Variants in SYNE2 observed in about 807,000 individuals in gnomAD.
SYNE2 encodes the protein spectrin repeat containing nuclear envelope protein 2, also known as nesprin-2.
SYNE2 carries 431 observed loss-of-function variants against 856.3 expected under a neutral mutation model. The ratio of observed to expected loss-of-function variants is 0.50; its 90% confidence interval spans 0.47 to 0.55. SYNE2 has a LOEUF of 0.55. SYNE2 is among the 20% of genes least tolerant of loss of function. The probability of loss-of-function intolerance (pLI) is 0.00; values close to 1 mark genes in which losing one functional copy is unlikely to be tolerated. For missense variants in SYNE2, 8,129 were observed against 8,023.2 expected (o/e 1.01, Z -0.50); for synonymous variants, 2,923 against 2,872.3 (o/e 1.02, Z -0.56).
intron 99 of SYNE2, among the ~76,000 whole-genome samples, chr14:64,193,782 G>A (rs1219728401): frequency 6.6e-6 from 1 of 152,208 alleles, no homozygotes; most frequent in Non-Finnish European, 1.5e-5. Context: ...ATAGATAGGA[G>A]AGGAAACCAA....
chr14:64,073,744 T>C (rs975525883), intron 52 of SYNE2, among the ~76,000 whole-genome samples: 10 of 152,224 alleles, frequency 6.6e-5, no homozygotes, highest in African/African-American at 2.4e-4. Flanking sequence ...AGAGAGTATT[T>C]GAGGCGAAAG....
chr14:63,906,606 T>G (rs2095412947), intron 1 of SYNE2, among the ~76,000 whole-genome samples: 1 of 152,328 alleles, frequency 6.6e-6, no homozygotes, highest in African/African-American at 2.4e-5. Context: ...ATAGAGTTGT[T>G]GTAGTGGATC....
Position 64,146,080 on chromosome 14 carries a change from G to C in SYNE2, c.15496G>C (p.Glu5166Gln). Residue 5166 changes from glutamate to glutamine, a missense_variant, in exon 84 of 116, where the codon GAA becomes CAA. This residue lies in a region of SYNE2 where 5,410 missense variants were observed against 5,284.8 expected (regional missense o/e 1.02). Transcript: ENST00000555002. ...GMLNRKIQHL[E>Q]QLLESITESE... The stretch of plus-strand genomic sequence containing the variant: ...TACATTCACTTAGATACAACATTTA[G>C]AACAACTTCTAGAAAGTATCACTGA... The C allele has an allele frequency of 4.4e-6, 7 of 1,579,486 alleles. No individual in the cohort carries two copies. Among genetic ancestry groups the C allele is most frequent in the Non-Finnish European group, 6.0e-6 (7 of 1,157,656 alleles).
chr14:63,829,313 A>T (rs1249596333), intron 1 of SYNE2, among the ~76,000 whole-genome samples: 1 of 152,106 alleles, frequency 6.6e-6, no homozygotes, highest in African/African-American at 2.4e-5. Context: ...GCTACTCGGG[A>T]GGCTGAGGCG....
intron 1 of SYNE2, among the ~76,000 whole-genome samples, chr14:63,871,227 CAG>C (rs1896753724): frequency 1.4e-5 from 2 of 146,974 alleles, no homozygotes; most frequent in Admixed American, 6.9e-5. Context: ...TTTTTTGAGA[CAG>C]AGTTTCACTT....
At chr14:63,988,995 A>G (rs2096646758) in intron 19 of SYNE2, among the ~76,000 whole-genome samples, 1 of 152,198 alleles carries the variant, frequency 6.6e-6, no homozygotes, top group Non-Finnish European at 1.5e-5. Flanking sequence ...TTTTTTGCTA[A>G]CTTGAGAAGT....
chr14:64,037,958 TC>T, intron 45 of SYNE2, among the ~76,000 whole-genome samples: 1 of 151,494 alleles, frequency 6.6e-6, no homozygotes, highest in East Asian at 2.0e-4. Flanking sequence ...CCCACCTCCC[TC>T]CCGGACGGGG....
chr14:63,994,498 G>C (rs1314692703), intron 22 of SYNE2, among the ~76,000 whole-genome samples: 1 of 152,168 alleles, frequency 6.6e-6, no homozygotes, highest in African/African-American at 2.4e-5. Context: ...TAAAGATGGT[G>C]CAGAGAGTTC....
At chr14:63,788,968 A>G (rs1308322735) in intron 1 of SYNE2, among the ~76,000 whole-genome samples, 1 of 152,240 alleles carries the variant, frequency 6.6e-6, no homozygotes, top group Non-Finnish European at 1.5e-5. Flanking sequence ...CCAAGTGTCC[A>G]TCAACAGATA....
chr14:64,213,048 A>G, intron 105 of SYNE2, 43 bp downstream of exon 105: 1 of 1,607,064 alleles, frequency 6.2e-7, no homozygotes, highest in Non-Finnish European at 8.5e-7. Context: ...GGCTGCTCAG[A>G]GTTTACGTGA....
intron 1 of SYNE2, among the ~76,000 whole-genome samples, chr14:63,815,872 C>G (rs1355123110): frequency 6.6e-6 from 1 of 151,818 alleles, no homozygotes; most frequent in Non-Finnish European, 1.5e-5. Context: ...GACTCAGAAA[C>G]TGAGTTTATA....
intron 1 of SYNE2, among the ~76,000 whole-genome samples, chr14:63,828,305 C>A (rs2139887142): frequency 6.6e-6 from 1 of 152,168 alleles, no homozygotes; most frequent in Non-Finnish European, 1.5e-5. Context: ...ACCATATTTA[C>A]ATTATGTTAG....
At chr14:64,026,421 G>C (rs778970368) in intron 41 of SYNE2, among the ~76,000 whole-genome samples, 158 bp from the exon 42 acceptor site, 1 of 152,056 alleles carries the variant, frequency 6.6e-6, no homozygotes, top group Non-Finnish European at 1.5e-5. Flanking sequence ...TGTGAAGAGA[G>C]ATATCTTTGT....
At chr14:63,905,875 T>C (rs2153343379) in intron 1 of SYNE2, among the ~76,000 whole-genome samples, 1 of 152,326 alleles carries the variant, frequency 6.6e-6, no homozygotes, top group East Asian at 1.9e-4. Flanking sequence ...TGTCTTGTTC[T>C]GACTCTCAGG....
intron 1 of SYNE2, among the ~76,000 whole-genome samples, chr14:63,787,228 T>A (rs1887565476): frequency 1.3e-5 from 2 of 152,228 alleles, no homozygotes; most frequent in Admixed American, 1.3e-4. Context: ...TTGAAATGTA[T>A]GATTAATTAT....
At chr14:64,119,828 G>C (rs1242241243) in intron 67 of SYNE2, among the ~76,000 whole-genome samples, 2 of 152,164 alleles carry the variant, frequency 1.3e-5, no homozygotes, top group Non-Finnish European at 2.9e-5. Flanking sequence ...GGTGATGGCG[G>C]TGGTTTGGTT....
chr14:64,186,084 CAT>C (rs530776965), intron 96 of SYNE2, among the ~76,000 whole-genome samples: 16 of 152,114 alleles, frequency 1.1e-4, no homozygotes, highest in African/African-American at 3.1e-4. Context: ...TGTATGTGTG[CAT>C]GTGTGTGTGT....
At chr14:64,164,415 A>G (rs1216097369) in intron 89 of SYNE2, among the ~76,000 whole-genome samples, 3 of 152,016 alleles carry the variant, frequency 2.0e-5, no homozygotes, top group African/African-American at 7.2e-5. Context: ...TGGCCGGCTA[A>G]TTTTTGTATA....
At chr14:64,114,189 C>T (rs569716070) in intron 66 of SYNE2, among the ~76,000 whole-genome samples, 106 of 152,276 alleles carry the variant, frequency 7.0e-4, no homozygotes, top group African/African-American at 2.5e-3. Flanking sequence ...ATATAAACTT[C>T]CTTGCCGCTA....
Sources: allele counts gnomAD v4.1 joint callset (sites outside exome capture counted in the v4.1 genomes callset), GRCh38; gene constraint gnomAD v4.1.1; regional missense constraint gnomAD v4.1.1; transcripts MANE v1.5; gene names NCBI Gene and HGNC (gene_info 2026-07-23, HGNC 2026-07-21).